Variants in TANC1 observed in about 807,000 individuals in gnomAD.
TANC1 encodes tetratricopeptide repeat, ankyrin repeat and coiled-coil containing 1.
TANC1 carries 77 observed loss-of-function variants against 149.7 expected under a neutral mutation model. That is an observed-to-expected ratio of 0.51 (90% CI 0.43 to 0.62). TANC1 has a LOEUF of 0.62. Among genes scored for constraint, TANC1 ranks in the 20% least tolerant of loss-of-function variants. The pLI is 0.00. For synonymous variants in TANC1, 854 were observed against 925.0 expected (o/e 0.92, Z 1.39); for missense variants, 1,985 against 2,321.8 (o/e 0.85, Z 2.98).
intron 2 of TANC1, among the ~76,000 whole-genome samples, chr2:159,063,432 G>A (rs890072917): frequency 1.3e-5 from 2 of 152,148 alleles, no homozygotes; most frequent in Non-Finnish European, 2.9e-5. Flanking sequence ...TGGGTTTAAG[G>A]CCAGAGACGA....
At chr2:159,175,850 G>C (rs565753912) in intron 12 of TANC1, among the ~76,000 whole-genome samples, 1 of 152,236 alleles carries the variant, frequency 6.6e-6, no homozygotes, top group Non-Finnish European at 1.5e-5. Context: ...ATTCAGGCTC[G>C]CAGAGAAGAG....
At chr2:159,187,893 TATTTTA>T (rs1470722270) in intron 16 of TANC1, among the ~76,000 whole-genome samples, 2 of 152,254 alleles carry the variant, frequency 1.3e-5, no homozygotes, top group Non-Finnish European at 2.9e-5. Flanking sequence ...GCATAGAATT[TATTTTA>T]ATATGGAAAT....
chr2:159,088,171 A>G (rs780239865), intron 3 of TANC1, among the ~76,000 whole-genome samples: 1 of 152,082 alleles, frequency 6.6e-6, no homozygotes, highest in Non-Finnish European at 1.5e-5. Context: ...AACTAACACA[A>G]GGGTTCTGAG....
intron 2 of TANC1, among the ~76,000 whole-genome samples, chr2:159,014,768 T>C (rs955203496): frequency 2.6e-5 from 4 of 152,172 alleles, no homozygotes; most frequent in Non-Finnish European, 4.4e-5. Context: ...ACAGGGCCCA[T>C]GCAAGACTGA....
intron 2 of TANC1, among the ~76,000 whole-genome samples, chr2:159,012,860 T>G (rs1035617162): frequency 2.0e-5 from 3 of 152,212 alleles, no homozygotes; most frequent in Non-Finnish European, 4.4e-5. Flanking sequence ...ATTCTGTTTC[T>G]GTGGGGGGAT....
At chr2:159,024,750 C>CAA (rs199510154) in intron 2 of TANC1, among the ~76,000 whole-genome samples, 6 of 118,992 alleles carry the variant, frequency 5.0e-5, no homozygotes, top group African/African-American at 1.6e-4. Context: ...GACTTCATCT[C>CAA]AAAAAAAAAA....
chr2:159,227,021 T>C (rs1229787934), intron 24 of TANC1: 2 of 152,354 alleles, frequency 1.3e-5, no homozygotes, highest in East Asian at 3.9e-4. Flanking sequence ...ATTATGACCA[T>C]GTTAATCCTT....
chr2:159,180,799 G>A (rs1251961677), intron 14 of TANC1, among the ~76,000 whole-genome samples: 1 of 152,200 alleles, frequency 6.6e-6, no homozygotes, highest in African/African-American at 2.4e-5. Context: ...GCAAAGTACT[G>A]TGGCAGACAC....
chr2:159,002,950 C>T (rs1001558148), intron 2 of TANC1, among the ~76,000 whole-genome samples: 3 of 152,230 alleles, frequency 2.0e-5, no homozygotes, highest in Non-Finnish European at 2.9e-5. Context: ...CTGAATCTTG[C>T]AGCTATCAGA....
intron 1 of TANC1, among the ~76,000 whole-genome samples, chr2:158,997,678 G>A (rs1230574369): frequency 6.6e-5 from 10 of 152,150 alleles, no homozygotes; most frequent in Non-Finnish European, 1.2e-4. Context: ...AGCCAAAGCT[G>A]GAATAATTTG....
chr2:159,025,865 C>G (rs2039298449), intron 2 of TANC1, among the ~76,000 whole-genome samples: 1 of 152,178 alleles, frequency 6.6e-6, no homozygotes, highest in African/African-American at 2.4e-5. Flanking sequence ...CATTCAAATT[C>G]TGAGAGCTAG....
At chr2:159,006,329 C>T in intron 2 of TANC1, among the ~76,000 whole-genome samples, 1 of 146,316 alleles carries the variant, frequency 6.8e-6, no homozygotes, top group South Asian at 2.2e-4. Context: ...TGTCACATTA[C>T]AATCTGAACA....
At chr2:159,043,125 T>TGG (rs2040784004) in intron 2 of TANC1, among the ~76,000 whole-genome samples, 1 of 152,230 alleles carries the variant, frequency 6.6e-6, no homozygotes, top group Non-Finnish European at 1.5e-5. Flanking sequence ...CCGGTCACTC[T>TGG]GCTTTTACTG....
chr2:158,996,970 G>A (rs1322695228), intron 1 of TANC1, among the ~76,000 whole-genome samples: 1 of 149,194 alleles, frequency 6.7e-6, no homozygotes, highest in African/African-American at 2.5e-5. Context: ...GCACTGAGAT[G>A]CAGACTGTGG....
At chr2:159,058,681 TA>T (rs2042023634) in intron 2 of TANC1, among the ~76,000 whole-genome samples, 1 of 152,210 alleles carries the variant, frequency 6.6e-6, no homozygotes. Context: ...TTTACAGGTA[TA>T]TGAAGATGGC....
At chr2:159,204,626 A>T (rs907272410) in intron 19 of TANC1, among the ~76,000 whole-genome samples, 1 of 152,164 alleles carries the variant, frequency 6.6e-6, no homozygotes, top group African/African-American at 2.4e-5. Context: ...CCAGAGCCCC[A>T]TGCTTCATGC....
intron 2 of TANC1, among the ~76,000 whole-genome samples, chr2:159,014,424 CAT>C (rs986599691): frequency 6.6e-6 from 1 of 152,206 alleles, no homozygotes; most frequent in African/African-American, 2.4e-5. Flanking sequence ...CCTCCCACAA[CAT>C]GTGGGAATTA....
intron 8 of TANC1, among the ~76,000 whole-genome samples, chr2:159,165,617 C>T (rs1233052357): frequency 6.6e-6 from 1 of 152,196 alleles, no homozygotes; most frequent in Non-Finnish European, 1.5e-5. Flanking sequence ...AGACTCTATG[C>T]AGCACTATTT....
At chr2:159,138,655 G>A (rs1399589918) in intron 5 of TANC1, among the ~76,000 whole-genome samples, 2 of 152,160 alleles carry the variant, frequency 1.3e-5, no homozygotes, top group African/African-American at 2.4e-5. Context: ...ACTTTAAAAT[G>A]TGGTCTTCTG....
Sources: gnomAD v4.1 joint callset for allele counts (sites outside exome capture counted in the v4.1 genomes callset) on GRCh38, gnomAD v4.1.1 for gene constraint, MANE v1.5 for transcripts, NCBI Gene and HGNC (gene_info 2026-07-23, HGNC 2026-07-21) for gene names.